Variants in PHTF2 observed in about 807,000 individuals in gnomAD.
PHTF2 encodes protein PHTF2.
A neutral mutation model predicts 101.2 loss-of-function variants in PHTF2; 60 were observed. The ratio of observed to expected loss-of-function variants is 0.59; its 90% CI spans 0.48 to 0.73. The LOEUF (loss-of-function observed/expected upper bound fraction) is 0.73. PHTF2 is among the 30% of genes least tolerant of loss of function. The probability of loss-of-function intolerance (pLI) is 0.00; values close to 1 mark genes in which losing one functional copy is unlikely to be tolerated. For synonymous variants in PHTF2, 311 were observed against 307.3 expected, an observed-to-expected ratio of 1.01 and a Z score of -0.13; for missense variants, 747 against 908.7, an observed-to-expected ratio of 0.82 and a Z score of 2.29.
chr7:77,926,883 G>A (rs564319914), intron 11 of PHTF2, among the ~76,000 whole-genome samples: 53 of 150,210 alleles, frequency 3.5e-4, no homozygotes, highest in African/African-American at 1.2e-3. Context: ...AAGAGGCCAG[G>A]GCCATGGCTC....
At chr7:77,951,733 G>T in intron 18 of PHTF2, 21 bp downstream of exon 17, 2 of 972,184 alleles carry the variant, frequency 2.1e-6, no homozygotes, top group Non-Finnish European at 3.1e-6. Flanking sequence ...AACTGAAAAT[G>T]GTTATAATGT....
chr7:77,819,221 A>G (rs939700026), intron 1 of PHTF2, among the ~76,000 whole-genome samples: 4 of 152,152 alleles, frequency 2.6e-5, no homozygotes, highest in Non-Finnish European at 5.9e-5. Flanking sequence ...TTGGTTGCCT[A>G]TTATTTCTTT....
At chr7:77,866,126 G>A (rs1176184626) in intron 3 of PHTF2, among the ~76,000 whole-genome samples, 2 of 146,446 alleles carry the variant, frequency 1.4e-5, no homozygotes, top group Admixed American at 1.4e-4. Flanking sequence ...AGAGGTTGCA[G>A]TGAGTCAAGA....
intron 7 of PHTF2, chr7:77,908,093 G>A (rs1168968547): frequency 6.6e-6 from 1 of 152,084 alleles, no homozygotes; most frequent in Non-Finnish European, 1.5e-5. Context: ...GCCCTGCTTA[G>A]GTCACTTGCC....
intron 3 of PHTF2, among the ~76,000 whole-genome samples, chr7:77,887,513 GT>G (rs1799974503): frequency 6.6e-6 from 1 of 152,040 alleles, no homozygotes; most frequent in Non-Finnish European, 1.5e-5. Context: ...AGAAAATGAT[GT>G]TTGTATCTTA....
At chr7:77,811,310 A>G (rs1171512992) in intron 1 of PHTF2, among the ~76,000 whole-genome samples, 1 of 152,218 alleles carries the variant, frequency 6.6e-6, no homozygotes, top group Non-Finnish European at 1.5e-5. Flanking sequence ...TGGTGATGAT[A>G]ACTTTTATAA....
intron 13 of PHTF2, among the ~76,000 whole-genome samples, chr7:77,938,202 A>T (rs530351782): frequency 7.2e-4 from 109 of 152,320 alleles, no homozygotes; most frequent in African/African-American, 2.4e-3. Flanking sequence ...AAAAATAATT[A>T]AAAAGACTTA....
intron 13 of PHTF2, 62 bp from the exon 13 acceptor site, chr7:77,939,968 T>C (rs745360255): frequency 1.7e-6 from 2 of 1,164,546 alleles, no homozygotes; most frequent in Non-Finnish European, 2.4e-6. Context: ...AATTCTACTG[T>C]AGATAAAATT....
At chr7:77,889,113 A>T (rs951747375) in intron 3 of PHTF2, among the ~76,000 whole-genome samples, 3 of 152,164 alleles carry the variant, frequency 2.0e-5, no homozygotes, top group Non-Finnish European at 4.4e-5. Flanking sequence ...CTAAGTCTTG[A>T]GAAGATGGTT....
At chr7:77,932,626 G>GTA (rs1804714384) in intron 12 of PHTF2, among the ~76,000 whole-genome samples, 1 of 125,760 alleles carries the variant, frequency 8.0e-6, no homozygotes, top group Admixed American at 7.4e-5. Flanking sequence ...GAGAGAGTGT[G>GTA]TGTGTGTGTG....
chr7:77,806,620 C>G (rs1793005197), intron 1 of PHTF2, among the ~76,000 whole-genome samples: 1 of 152,014 alleles, frequency 6.6e-6, no homozygotes, highest in South Asian at 2.1e-4. Flanking sequence ...TTTTTAATAT[C>G]CAGTTTCCTA....
chr7:77,951,274 A>G (rs140069097), intron 17 of PHTF2, among the ~76,000 whole-genome samples: 122 of 152,324 alleles, frequency 8.0e-4, no homozygotes, highest in Admixed American at 5.6e-3. Flanking sequence ...CCCCATCTCT[A>G]GTAAAAAAGA....
intron 1 of PHTF2, among the ~76,000 whole-genome samples, chr7:77,833,630 T>A (rs1283853920): frequency 1.3e-5 from 2 of 152,042 alleles, no homozygotes; most frequent in African/African-American, 4.8e-5. Flanking sequence ...CCTAGTTTGG[T>A]GGCATGCAAC....
intron 1 of PHTF2, among the ~76,000 whole-genome samples, chr7:77,814,242 G>C (rs1465864630): frequency 6.6e-6 from 1 of 152,158 alleles, no homozygotes; most frequent in African/African-American, 2.4e-5. Flanking sequence ...TGCTCTTAGA[G>C]GAAATACAGA....
chr7:77,838,386 ATT>A (rs1562860503), intron 1 of PHTF2, among the ~76,000 whole-genome samples: 1 of 152,222 alleles, frequency 6.6e-6, no homozygotes, highest in African/African-American at 2.4e-5. Flanking sequence ...GAGAATTGAC[ATT>A]GTGACCTTAT....
At chr7:77,822,532 G>A (rs915450769) in intron 1 of PHTF2, among the ~76,000 whole-genome samples, 2 of 152,180 alleles carry the variant, frequency 1.3e-5, no homozygotes, top group African/African-American at 4.8e-5. Flanking sequence ...TCCAGACTGG[G>A]CTTGGGGCTT....
At chr7:77,822,255 G>A (rs540189323) in intron 1 of PHTF2, among the ~76,000 whole-genome samples, 1 of 152,144 alleles carries the variant, frequency 6.6e-6, no homozygotes, top group African/African-American at 2.4e-5. Flanking sequence ...AGTCACAGCC[G>A]ATCCTGGGCC....
At chr7:77,913,249 G>A (rs58974917) in intron 9 of PHTF2, among the ~76,000 whole-genome samples, 6,112 of 151,968 alleles carry the variant, frequency 0.04, 412 homozygotes, top group African/African-American at 0.14. Context: ...TTAGCTGGGC[G>A]TGATAGTGGG....
At chr7:77,828,771 G>A (rs1220889065) in intron 1 of PHTF2, among the ~76,000 whole-genome samples, 1 of 152,166 alleles carries the variant, frequency 6.6e-6, no homozygotes. Flanking sequence ...GGGAGGCTGA[G>A]GCACAAGAAT....
Sources: gnomAD v4.1 joint callset for allele counts (sites outside exome capture counted in the v4.1 genomes callset) on GRCh38, gnomAD v4.1.1 for gene constraint, MANE v1.5 for transcripts, NCBI Gene and HGNC (gene_info 2026-07-23, HGNC 2026-07-21) for gene names.